The following INPP1 variants were observed in gnomAD, a reference collection of about 807,000 sequenced individuals.
INPP1 encodes the protein inositol polyphosphate 1-phosphatase.
Under a neutral mutation model 23.0 loss-of-function variants are expected in INPP1, and 18 were observed. The observed-to-expected ratio is 0.78, with a 90% confidence interval of 0.54 to 1.16. The LOEUF (loss-of-function observed/expected upper bound fraction) is 1.16, where lower values mean the gene tolerates loss of function less well. INPP1 is among the 50% of genes most tolerant of loss of function. The probability of loss-of-function intolerance (pLI) is 0.00; values close to 1 mark genes in which losing one functional copy is unlikely to be tolerated. For synonymous variants in INPP1, 164 were observed against 176.3 expected (o/e 0.93, Z 0.55); for missense variants, 448 against 482.1 (o/e 0.93, Z 0.66).
At chr2:190,360,728 A>G (rs1036629325) in intron 3 of INPP1, among the ~76,000 whole-genome samples, 6 of 152,182 alleles carry the variant, frequency 3.9e-5, no homozygotes, top group African/African-American at 1.4e-4. Context: ...GTATGTGTGT[A>G]CATGACACAT....
At position 190,358,183 on chromosome 2, in the gene INPP1, G is replaced by C. The variant is rs575878433; in HGVS notation, c.-64-1856G>C. 1.1e-4 allele frequency among the ~76,000 whole-genome samples: 16 copies of C among 150,142 alleles called. No individual in the cohort carries two copies. In the East Asian group the frequency reaches 3.0e-3, roughly 28 times the overall value. ...CAACCTCCGCCTCCCAGGTTCAAGTGATTCTGTTCCTCAGTCTCCCGAGTA... is the reference window on the plus strand; with the variant it reads ...CAACCTCCGCCTCCCAGGTTCAAGTCATTCTGTTCCTCAGTCTCCCGAGTA... On this transcript the variant is annotated intron_variant, in intron 2 of 6. Transcript: ENST00000392329.
Position 190,368,036 on chromosome 2 carries a change from T to G in INPP1, c.467-1067T>G, listed in dbSNP as rs1041672138. 6.6e-6 allele frequency among the ~76,000 whole-genome samples: 1 copy of G among 152,182 alleles called. No individual in the cohort carries two copies. The highest frequency in any genetic ancestry group is 1.5e-5 in the Non-Finnish European group (1 of 68,044). On this transcript the variant is annotated intron_variant, in intron 5 of 6. Coordinates refer to ENST00000392329, the MANE Select transcript of INPP1 (RefSeq NM_001128928.2). The surrounding 1 kb of genome is among the most constrained non-coding windows in gnomAD (Gnocchi z 4.3). ...TACAAGTGCATTCACAGGATGATAC[T>G]GAAATGGGTTTAATCTTCAGATAAT...
intron 5 of INPP1, 70 bp from the exon 6 acceptor site, chr2:190,369,033 G>T (rs1319121999): frequency 1.0e-5 from 9 of 872,268 alleles, no homozygotes; most frequent in Middle Eastern, 6.8e-4. Context: ...GTAGAAGAGA[G>T]AAGTCATATG....
At position 190,343,966 on chromosome 2, in the gene INPP1, C is replaced by T. The variant is rs774245042; in HGVS notation, c.-209+5C>T. On this transcript the variant is annotated splice_donor_5th_base_variant and intron_variant, in intron 1 of 6. Coordinates refer to ENST00000392329, the MANE Select transcript of INPP1 (RefSeq NM_001128928.2). ...CTGTCCTCATCCCCGGCTTAGGTAA[C>T]ACGTTTTCCTCCTTACGACACCCAC... The T allele has an allele frequency of 2.3e-5, 6 of 259,822 alleles. No homozygotes were observed. Among genetic ancestry groups the T allele is most frequent in the South Asian group, 2.0e-4 (6 of 29,844 alleles). The allele number at this position is 259,822 out of a possible 1,614,324, so 16.1% of individuals were successfully genotyped here.
At chr2:190,360,332 C>T in intron 3 of INPP1, 26 bp downstream of exon 3, 1 of 1,603,316 alleles carries the variant, frequency 6.2e-7, no homozygotes, top group Non-Finnish European at 8.5e-7. Context: ...GCCAAGGTAA[C>T]TGCAAAATAG....
chr2:190,349,289 T>A (rs1178170402), intron 2 of INPP1, among the ~76,000 whole-genome samples: 1 of 151,894 alleles, frequency 6.6e-6, no homozygotes, highest in East Asian at 1.9e-4. Flanking sequence ...ATACAAAAAT[T>A]AGCCAGGTGT....
rs2067423 is a variant in INPP1, at chr2:190,363,154, A to C, written c.265+467A>C. 62,324 of 152,126 alleles carry C rather than the reference A, an allele frequency of 0.41. 14,726 individuals carry two copies. Among genetic ancestry groups the C allele is most frequent in the African/African-American group, 0.66 (27,058 of 41,266 alleles). The allele number at this position is 152,126 out of a possible 1,614,324, so 9.4% of individuals were successfully genotyped here. A position where few individuals can be genotyped will look rare whatever the true frequency, so the allele number is the denominator to read the frequency against. ...ATACTGTGTGATCTTGAGCAAATTA[A>C]CTCATCATTTCTCTAAGTCTCAGAA... is the stretch of plus-strand genomic sequence containing the variant. On this transcript the variant is annotated intron_variant, in intron 4 of 6. Transcript: ENST00000392329. The surrounding 1 kb of genome is among the most constrained non-coding windows in gnomAD (Gnocchi z 4.4).
intron 6 of INPP1, among the ~76,000 whole-genome samples, chr2:190,370,531 A>G (rs563635837): frequency 6.6e-6 from 1 of 152,358 alleles, no homozygotes; most frequent in East Asian, 1.9e-4. Flanking sequence ...TAAATACTAA[A>G]AGTTGTAATG....
rs2124943196 is a variant in INPP1, at chr2:190,367,263, C to T, written c.466+368C>T. Among the ~76,000 whole-genome samples the T allele has an allele frequency of 6.6e-6, 1 of 152,244 alleles. No homozygotes were observed. The highest frequency in any genetic ancestry group is 2.1e-4 in the South Asian group (1 of 4,820). On this transcript the variant is annotated intron_variant, in intron 5 of 6. Coordinates refer to ENST00000392329, the MANE Select transcript of INPP1 (RefSeq NM_001128928.2). The surrounding 1 kb of genome is among the most constrained non-coding windows in gnomAD (Gnocchi z 4.1). ...GTTATGACCAATTGAGCACACATAC[C>T]ATTTAAAGAGCACTTAGCTTTAGCA...
intron 1 of INPP1, among the ~76,000 whole-genome samples, chr2:190,347,159 C>G (rs924941402): frequency 6.6e-6 from 1 of 151,528 alleles, no homozygotes; most frequent in Non-Finnish European, 1.5e-5. Context: ...TTACAGGTGC[C>G]CGCTACCACA....
intron 3 of INPP1, 88 bp from the exon 4 acceptor site, chr2:190,362,539 A>G: frequency 1.4e-6 from 1 of 706,510 alleles, no homozygotes; most frequent in Non-Finnish European, 2.3e-6. Flanking sequence ...TGTGCTATTT[A>G]ATTTGAAATA....
Position 190,346,263 on chromosome 2 carries a change from G to C in INPP1, c.-209+2302G>C, listed in dbSNP as rs554670164. Among the ~76,000 whole-genome samples the C allele has an allele frequency of 6.6e-6, 1 of 152,148 alleles. No homozygotes were observed. Among genetic ancestry groups the C allele is most frequent in the Non-Finnish European group, 1.5e-5 (1 of 68,036 alleles). The stretch of plus-strand genomic sequence containing the variant: ...TAAAATAGTCAACAACAACAAAAAA[G>C]GTGAGTTTGGGAAATGCAGGTGGGA... On this transcript the variant is annotated intron_variant, in intron 1 of 6. Transcript: ENST00000392329. The surrounding 1 kb of genome is among the most constrained non-coding windows in gnomAD (Gnocchi z 5.1).
intron 4 of INPP1, among the ~76,000 whole-genome samples, chr2:190,365,710 GGAAC>G (rs1689631195): frequency 2.0e-5 from 3 of 152,204 alleles, no homozygotes; most frequent in African/African-American, 7.2e-5. Context: ...GCCAGGCATA[GGAAC>G]TGCTGGGATG....
chr2:190,356,052 C>CA lies in INPP1; in HGVS notation c.-64-3984dup, dbSNP rs923819103. Among the ~76,000 whole-genome samples the CA allele has an allele frequency of 3.9e-5, 6 of 152,134 alleles. No individual in the cohort carries two copies. The highest frequency in any genetic ancestry group is 1.4e-4 in the African/African-American group (6 of 41,408). On this transcript the variant is annotated intron_variant, in intron 2 of 6. Transcript: ENST00000392329. The surrounding 1 kb of genome is among the most constrained non-coding windows in gnomAD (Gnocchi z 6.4). ...ATGTAGCCTTCAGTTTCTCCATAGA[C>CA]AAATTATTTCAAGTTGAGCCATTCA... is the stretch of plus-strand genomic sequence containing the variant.
intron 4 of INPP1, among the ~76,000 whole-genome samples, 182 bp from the exon 5 acceptor site, chr2:190,366,507 GTCTCTC>G (rs1173659563): frequency 7.5e-6 from 1 of 134,110 alleles, no homozygotes. Context: ...CTCTCTGTGT[GTCTCTC>G]TCTCACTCTC....
At position 190,371,394 on chromosome 2, in the gene INPP1, C is replaced by G. The variant is rs1353202858; in HGVS notation, c.1192C>G (p.His398Asp). The G allele has an allele frequency of 2.6e-5, 39 of 1,520,250 alleles. No individual in the cohort carries two copies. Among genetic ancestry groups the G allele is most frequent in the Non-Finnish European group, 3.2e-5 (36 of 1,136,446 alleles). 94.2% of individuals were successfully genotyped at this position (1,520,250 alleles called of 1,614,324 possible). A position where few individuals can be genotyped will look rare whatever the true frequency, so the allele number is the denominator to read the frequency against. Residue 398 changes from histidine to aspartate, a missense_variant, in exon 7 of 7, where the codon CAT becomes GAT. By Grantham distance (81) the His-to-Asp change is moderately conservative (BLOSUM62 -1). Coordinates refer to ENST00000392329, the MANE Select transcript of INPP1 (RefSeq NM_001128928.2). This position sits in a 1 kb window ranked among gnomAD's most constrained non-coding sequence, Gnocchi z 5.3. ...CCAAAACCTGGCACCTGCAGAGACG[C>G]ATACCTAGAGGAACTCTAACCCCGG... ...LVQNLAPAETHT is the reference protein window; with the variant it reads ...LVQNLAPAETDT
In INPP1 at chr2:190,345,203, A is replaced by G. The variant is rs1433301273; in HGVS notation, c.-209+1242A>G. On this transcript the variant is annotated intron_variant, in intron 1 of 6. Transcript: ENST00000392329. The surrounding 1 kb of genome is among the most constrained non-coding windows in gnomAD (Gnocchi z 4.9). ...TCATGAAGAGAATTATGTCAAATAC[A>G]TAGAGTTACACTGTACTTTTTGTGT... Among the ~76,000 whole-genome samples, 1 of 152,246 alleles carries G rather than the reference A, an allele frequency of 6.6e-6. No individual in the cohort carries two copies. The highest frequency in any genetic ancestry group is 2.4e-5 in the African/African-American group (1 of 41,474).
intron 3 of INPP1, among the ~76,000 whole-genome samples, chr2:190,361,061 C>T (rs972706985): frequency 1.3e-5 from 2 of 152,110 alleles, no homozygotes; most frequent in Non-Finnish European, 2.9e-5. Flanking sequence ...ATTCTAAAGT[C>T]GTCGTTAAAT....
In INPP1 at chr2:190,367,494, A is replaced by T. The variant is rs962208122; in HGVS notation, c.466+599A>T. ...TTTGTGAGCCCTGCATGAGCTCTAC[A>T]TTTTTTTTGGTCATGATTGTGATAG... On this transcript the variant is annotated intron_variant, in intron 5 of 6. Transcript: ENST00000392329. This position sits in a 1 kb window ranked among gnomAD's most constrained non-coding sequence, Gnocchi z 4.1. Among the ~76,000 whole-genome samples the T allele has an allele frequency of 2.6e-5, 4 of 152,182 alleles. No individual in the cohort carries two copies. In the East Asian group the frequency reaches 7.7e-4, roughly 29 times the overall value.
Sources: allele counts gnomAD v4.1 joint callset (sites outside exome capture counted in the v4.1 genomes callset), GRCh38; gene constraint gnomAD v4.1.1; non-coding constraint Gnocchi (gnomAD v3.1); transcripts MANE v1.5; gene names NCBI Gene and HGNC (gene_info 2026-07-23, HGNC 2026-07-21).